The following CNTNAP2 variants were observed in gnomAD, a reference collection of about 807,000 sequenced individuals.
The protein encoded by CNTNAP2 is contactin associated protein 2, also known as contactin-associated protein-like 2.
Under a neutral mutation model 155.2 loss-of-function variants are expected in CNTNAP2, and 98 were observed. The ratio of observed to expected loss-of-function variants is 0.63; its 90% CI spans 0.54 to 0.75. The LOEUF (loss-of-function observed/expected upper bound fraction) is 0.75. Among genes scored for constraint, CNTNAP2 ranks in the 30% least tolerant of loss-of-function variants. CNTNAP2 has a pLI of 0.00. For synonymous variants in CNTNAP2, 651 were observed against 631.2 expected, an observed-to-expected ratio of 1.03 and a Z score of -0.47; for missense variants, 1,727 against 1,688.1, an observed-to-expected ratio of 1.02 and a Z score of -0.40.
chr7:147,310,564 CTG>C (rs1795105040), intron 9 of CNTNAP2, among the ~76,000 whole-genome samples: 4 of 152,142 alleles, frequency 2.6e-5, no homozygotes, highest in Admixed American at 1.3e-4. Flanking sequence ...ATTTTTAAAA[CTG>C]TAATGCCTTG....
chr7:147,243,158 G>A lies in CNTNAP2; in HGVS notation c.1349-56983G>A, dbSNP rs149291408. ...ACTACAGGGGCCCACCACCACGCCC[G>A]GCTAATTTTTTTGTATTTTGGTAGA... On this transcript the variant is annotated intron_variant, in intron 8 of 23. Transcript: ENST00000361727. Among the ~76,000 whole-genome samples, 361 of 151,314 alleles carry A rather than the reference G, an allele frequency of 2.4e-3. 1 individual carries two copies. Among genetic ancestry groups the A allele is most frequent in the African/African-American group, 8.2e-3 (337 of 41,184 alleles).
At chr7:146,859,654 C>T (rs1022672707) in intron 3 of CNTNAP2, among the ~76,000 whole-genome samples, 2 of 149,016 alleles carry the variant, frequency 1.3e-5, no homozygotes, top group South Asian at 2.1e-4. Flanking sequence ...AGTGAAATTC[C>T]GTCTCAAAAA....
At position 146,377,666 on chromosome 7, in the gene CNTNAP2, A is replaced by C. The variant is rs79927828; in HGVS notation, c.97+260693A>C. Among the ~76,000 whole-genome samples the C allele has an allele frequency of 1.0e-3, 154 of 152,304 alleles. 2 individuals are homozygous for C. In the East Asian group the frequency reaches 0.026, roughly 26 times the overall value. On this transcript the variant is annotated intron_variant, in intron 1 of 23. Coordinates refer to ENST00000361727, the MANE Select transcript of CNTNAP2 (RefSeq NM_014141.6). The stretch of plus-strand genomic sequence containing the variant: ...TCTTGCCAACTTCTCTGTCTCAGTA[A>C]ACATTATCTCTGTCTACCCAGTTGC...
At chr7:148,125,445 A>G (rs1168089249) in intron 16 of CNTNAP2, among the ~76,000 whole-genome samples, 1 of 152,122 alleles carries the variant, frequency 6.6e-6, no homozygotes, top group African/African-American at 2.4e-5. Flanking sequence ...ATCCATGCGT[A>G]CTCAATGTTT....
intron 11 of CNTNAP2, among the ~76,000 whole-genome samples, chr7:147,492,040 A>G (rs985792569): frequency 1.3e-5 from 2 of 152,218 alleles, no homozygotes; most frequent in African/African-American, 4.8e-5. Flanking sequence ...AAGTTGCAAC[A>G]AAGATAATAT....
At chr7:147,468,776 A>G (rs1333693617) in intron 10 of CNTNAP2, among the ~76,000 whole-genome samples, 1 of 152,052 alleles carries the variant, frequency 6.6e-6, no homozygotes, top group Non-Finnish European at 1.5e-5. Flanking sequence ...CTACTTAAAG[A>G]TTATGTAAGA....
intron 4 of CNTNAP2, among the ~76,000 whole-genome samples, chr7:147,067,291 A>G (rs1307480876): frequency 1.6e-4 from 2 of 12,764 alleles, no homozygotes; most frequent in Non-Finnish European, 3.3e-4. Flanking sequence ...CTCCGTCTCA[A>G]AAAAAAAAAA....
intron 23 of CNTNAP2, among the ~76,000 whole-genome samples, chr7:148,409,875 C>G (rs1799791060): frequency 1.1e-5 from 1 of 92,532 alleles, no homozygotes; most frequent in Non-Finnish European, 2.3e-5. Context: ...CACGGTGAAA[C>G]CCCGTCTCTA....
At chr7:148,268,646 C>T (rs1039168011) in intron 21 of CNTNAP2, among the ~76,000 whole-genome samples, 10 of 77,840 alleles carry the variant, frequency 1.3e-4, no homozygotes, top group African/African-American at 4.9e-4. Context: ...CAGAGGGAGA[C>T]TCTGTCTTAA....
chr7:148,277,941 A>G (rs965660480), intron 21 of CNTNAP2, among the ~76,000 whole-genome samples: 1 of 151,916 alleles, frequency 6.6e-6, no homozygotes, highest in Non-Finnish European at 1.5e-5. Context: ...TTTCTCTTGT[A>G]CACCTCTCGT....
At chr7:146,214,768 A>G (rs1172431714) in intron 1 of CNTNAP2, among the ~76,000 whole-genome samples, 1 of 152,168 alleles carries the variant, frequency 6.6e-6, no homozygotes, top group Non-Finnish European at 1.5e-5. Context: ...GCTATATTGC[A>G]TTGCAACAAT....
intron 10 of CNTNAP2, among the ~76,000 whole-genome samples, chr7:147,422,164 T>A (rs1797303096): frequency 6.8e-6 from 1 of 147,840 alleles, no homozygotes; most frequent in Non-Finnish European, 1.5e-5. Flanking sequence ...ATATACAGTA[T>A]ATATATAGTA....
intron 3 of CNTNAP2, among the ~76,000 whole-genome samples, chr7:146,937,963 T>C (rs1796958768): frequency 6.6e-6 from 1 of 152,212 alleles, no homozygotes. Flanking sequence ...TACAATGATC[T>C]GATTAGTTGA....
intron 4 of CNTNAP2, among the ~76,000 whole-genome samples, chr7:147,098,580 G>T (rs1252269985): frequency 2.0e-5 from 3 of 152,132 alleles, no homozygotes; most frequent in Non-Finnish European, 4.4e-5. Flanking sequence ...TTGCTTTAAA[G>T]GAGCTTTTTG....
At chr7:146,513,074 G>T (rs1797491275) in intron 1 of CNTNAP2, among the ~76,000 whole-genome samples, 1 of 151,560 alleles carries the variant, frequency 6.6e-6, no homozygotes, top group Admixed American at 6.6e-5. Flanking sequence ...TTTTTTACTT[G>T]AAGTCTATTT....
chr7:147,979,908 C>A, intron 15 of CNTNAP2, among the ~76,000 whole-genome samples: 1 of 152,100 alleles, frequency 6.6e-6, no homozygotes, highest in Non-Finnish European at 1.5e-5. Flanking sequence ...CAGGTGTGAG[C>A]CACTGTGCCC....
intron 1 of CNTNAP2, among the ~76,000 whole-genome samples, chr7:146,126,057 A>G (rs1468044347): frequency 6.6e-6 from 1 of 152,198 alleles, no homozygotes; most frequent in Non-Finnish European, 1.5e-5. Context: ...TTCTTATAAC[A>G]ATGCTTCAGT....
At chr7:146,700,122 T>G (rs1317359686) in intron 1 of CNTNAP2, among the ~76,000 whole-genome samples, 1 of 152,136 alleles carries the variant, frequency 6.6e-6, no homozygotes, top group Non-Finnish European at 1.5e-5. Context: ...TGTAGCCCCT[T>G]CCAAGACTGG....
chr7:148,000,396 T>C (rs1243678245), intron 15 of CNTNAP2, among the ~76,000 whole-genome samples: 3 of 152,216 alleles, frequency 2.0e-5, no homozygotes, highest in African/African-American at 7.2e-5. Flanking sequence ...GCAGATAACA[T>C]CTGTTGCGTA....
Sources: gnomAD v4.1 joint callset for allele counts (sites outside exome capture counted in the v4.1 genomes callset) on GRCh38, gnomAD v4.1.1 for gene constraint, MANE v1.5 for transcripts, NCBI Gene and HGNC (gene_info 2026-07-23, HGNC 2026-07-21) for gene names.